The following ARL17A variants were observed in gnomAD, a reference collection of about 807,000 sequenced individuals.
ARL17A encodes the protein ADP-ribosylation factor-like 17-like.
downstream of ARL17A, among the ~76,000 whole-genome samples, chr17:46,525,619 T>TAATAA (rs1491048563): frequency 9.0e-6 from 1 of 110,788 alleles, no homozygotes; most frequent in African/African-American, 3.0e-5. Flanking sequence ...ATAATAATCA[T>TAATAA]CATCATCATC....
intron 3 of ARL17A, among the ~76,000 whole-genome samples, chr17:46,568,987 G>C (rs2057617305): frequency 8.0e-6 from 1 of 124,662 alleles, no homozygotes; most frequent in Admixed American, 8.4e-5. Context: ...CTGTCGCCCA[G>C]GCTGGGGTGC....
intron 4 of ARL17A, among the ~76,000 whole-genome samples, chr17:46,534,962 C>G (rs1382871256): frequency 6.7e-6 from 1 of 149,572 alleles, no homozygotes; most frequent in Non-Finnish European, 1.5e-5. Context: ...CTCCTCACTT[C>G]TCAGACGGGG....
intron 3 of ARL17A, chr17:46,558,721 G>A: frequency 7.3e-6 from 1 of 137,144 alleles, no homozygotes; most frequent in Non-Finnish European, 1.6e-5. Flanking sequence ...ATACACCTGT[G>A]GATCTCTAGC....
chr17:46,533,391 A>C, intron 4 of ARL17A, among the ~76,000 whole-genome samples: 1 of 102,554 alleles, frequency 9.8e-6, no homozygotes. Context: ...CTAAAGCTCC[A>C]CTCTCACCCC....
At chr17:46,558,985 T>C (rs2057461484) in intron 3 of ARL17A, 1 of 100,476 alleles carries the variant, frequency 1.0e-5, no homozygotes, top group Admixed American at 1.0e-4. Context: ...GCAAAGCCTA[T>C]ATTAAACCCT....
chr17:46,525,675 C>A (rs2052644822), downstream of ARL17A, among the ~76,000 whole-genome samples: 1 of 119,878 alleles, frequency 8.3e-6, no homozygotes. Context: ...ATTATGTAGG[C>A]AACACCAGGA....
chr17:46,549,094 C>G (rs273531), downstream of ARL17A: 2 of 1,609,772 alleles, frequency 1.2e-6, no homozygotes, highest in Non-Finnish European at 1.7e-6. Flanking sequence ...CCACAGAACA[C>G]CCAAAGTCAA....
At position 46,517,158 on chromosome 17, in the gene ARL17A, G is replaced by A. The variant is rs1365155622; in HGVS notation, c.335C>T (p.Pro112Leu). 10 of 800,432 alleles carry A rather than the reference G, an allele frequency of 1.2e-5. No homozygotes were observed. In the South Asian group the frequency reaches 1.3e-4, roughly 11 times the overall value. 49.6% of individuals were successfully genotyped at this position (800,432 alleles called of 1,614,324 possible). A position where few individuals can be genotyped will look rare whatever the true frequency, so the allele number is the denominator to read the frequency against. ...GGATGGATAAGAAGTTAAGCTTCCA[G>A]GAGATGCCTCATCATTTGTGCCGGT... Residue 112 changes from proline to leucine, a missense_variant, in exon 4 of 5, where the codon CCT becomes CTT. Physicochemically the swap from Pro to Leu is moderately conservative, Grantham distance 98. Transcript: ENST00000445552.
intron 3 of ARL17A, among the ~76,000 whole-genome samples, chr17:46,545,339 T>G (rs2056127103): frequency 7.0e-6 from 1 of 142,292 alleles, no homozygotes; most frequent in South Asian, 2.1e-4. Context: ...TACTCCCAGC[T>G]ACTCAGGAGG....
At chr17:46,541,300 G>T (rs2055265985) in intron 3 of ARL17A, among the ~76,000 whole-genome samples, 1 of 150,022 alleles carries the variant, frequency 6.7e-6, no homozygotes, top group Non-Finnish European at 1.5e-5. Context: ...CGCCCAGGCT[G>T]CAGTGCAGCG....
At chr17:46,541,663 TG>T (rs2055345683) in intron 3 of ARL17A, among the ~76,000 whole-genome samples, 1 of 150,886 alleles carries the variant, frequency 6.6e-6, no homozygotes, top group Non-Finnish European at 1.5e-5. Flanking sequence ...CAACGAACCA[TG>T]GATGGGGAAT....
At chr17:46,534,799 G>C (rs1315653395) in intron 4 of ARL17A, among the ~76,000 whole-genome samples, 1 of 147,688 alleles carries the variant, frequency 6.8e-6, no homozygotes, top group African/African-American at 2.7e-5. Flanking sequence ...CCCACCTCCC[G>C]GAGGGGGCGG....
At chr17:46,558,621 C>G (rs1332983823) in intron 3 of ARL17A, among the ~76,000 whole-genome samples, 1 of 125,932 alleles carries the variant, frequency 7.9e-6, no homozygotes, top group African/African-American at 3.2e-5. Context: ...GAACTCCTGA[C>G]CTCAAGTGAT....
At chr17:46,502,373 C>G in the ARL17A span, among the ~76,000 whole-genome samples, 5 of 151,144 alleles carry the variant, frequency 3.3e-5, no homozygotes, top group East Asian at 1.9e-4. Flanking sequence ...TGCAATGGCC[C>G]GGTCTCTGCT....
At position 46,553,311 on chromosome 17, in the gene ARL17A, G is replaced by C; in HGVS notation, c.*4045C>G. ...AAAAGTTACCTCATCAGGTAGATGAGACTTATAATGAATAAAAGGAATCAA... is the reference window on the plus strand; with the variant it reads ...AAAAGTTACCTCATCAGGTAGATGACACTTATAATGAATAAAAGGAATCAA... On this transcript the variant is annotated 3_prime_UTR_variant, in exon 4 of 4. Coordinates refer to ENST00000336125, the MANE Select transcript of ARL17A (RefSeq NM_001113738.2). 3 of 1,602,192 alleles carry C rather than the reference G, an allele frequency of 1.9e-6. No homozygotes were observed. The highest frequency in any genetic ancestry group is 2.5e-6 in the Non-Finnish European group (3 of 1,177,972).
rs1382301266 is a variant in ARL17A at position 46,535,083 on chromosome 17, AGG to A, written c.335+3266_335+3267del. ...TTATTTTCAAATTTTTTGTAGAGAC[AGG>A]GTTTTACTCTATTGCCAGTGCTGGT... On this transcript the variant is annotated intron_variant, in intron 4 of 4. Transcript: ENST00000329240. Among the ~76,000 whole-genome samples the A allele has an allele frequency of 6.1e-5, 9 of 148,182 alleles. 1 individual carries two copies. The highest frequency in any genetic ancestry group is 2.1e-4 in the African/African-American group (8 of 38,364).
At chr17:46,530,427 T>C (rs1295275872) in intron 4 of ARL17A, among the ~76,000 whole-genome samples, 2 of 144,210 alleles carry the variant, frequency 1.4e-5, no homozygotes, top group South Asian at 4.4e-4. Context: ...AACAAGTTAA[T>C]GGCACTGAAA....
chr17:46,549,147 G>A, downstream of ARL17A: 2 of 1,611,524 alleles, frequency 1.2e-6, no homozygotes, highest in South Asian at 1.1e-5. Flanking sequence ...TGAGTAGACT[G>A]ATGCTCGCAA....
intron 3 of ARL17A, chr17:46,558,836 C>CT (rs765462293): frequency 0.014 from 974 of 71,742 alleles, 24 homozygotes; most frequent in African/African-American, 0.051. Flanking sequence ...CTCTTTTATT[C>CT]TTTTTTTTTT....
Sources: gnomAD v4.1 joint callset for allele counts (sites outside exome capture counted in the v4.1 genomes callset) on GRCh38, gnomAD v4.1.1 for gene constraint, MANE v1.5 for transcripts, NCBI Gene and HGNC (gene_info 2026-07-23, HGNC 2026-07-21) for gene names.